IL1R1: variants seen among roughly 807,000 people sequenced by gnomAD.
IL1R1 encodes interleukin-1 receptor type 1.
IL1R1 carries 22 observed loss-of-function variants against 50.2 expected under a neutral mutation model. That is an observed-to-expected ratio of 0.44 (90% CI 0.31 to 0.63). IL1R1 has a LOEUF of 0.63. Among genes scored for constraint, IL1R1 ranks in the 20% least tolerant of loss-of-function variants. The probability of loss-of-function intolerance (pLI) is 0.07; values close to 1 mark genes in which losing one functional copy is unlikely to be tolerated. For synonymous variants in IL1R1, 251 were observed against 236.7 expected (o/e 1.06, Z -0.55); for missense variants, 509 against 676.2 (o/e 0.75, Z 2.74).
At chr2:102,175,420 T>G in intron 10 of IL1R1, 58 bp from the exon 11 acceptor site, 1 of 1,341,014 alleles carries the variant, frequency 7.5e-7, no homozygotes. Context: ...TGATACTGAC[T>G]TTATCAAATC....
chr2:102,147,443 T>C (rs1683248692), intron 1 of IL1R1, among the ~76,000 whole-genome samples: 2 of 152,090 alleles, frequency 1.3e-5, no homozygotes, highest in Admixed American at 1.3e-4. Context: ...ACAAGTCCAG[T>C]GCAATAGTGG....
upstream of IL1R1, among the ~76,000 whole-genome samples, chr2:102,100,632 T>C (rs539154384): frequency 1.2e-4 from 19 of 152,324 alleles, 1 homozygote; most frequent in South Asian, 3.1e-3. Context: ...ACCTGGCCTG[T>C]TTTTAGTCAT....
chr2:102,155,186 G>C (rs1292532726), intron 2 of IL1R1, among the ~76,000 whole-genome samples: 1 of 152,246 alleles, frequency 6.6e-6, no homozygotes, highest in South Asian at 2.1e-4. Flanking sequence ...ATCAGAGCAT[G>C]GGCCGGTTTC....
In IL1R1 at chr2:102,148,835, A is replaced by G. The variant is rs375756605; in HGVS notation, c.-83-5106A>G. On this transcript the variant is annotated intron_variant, in intron 1 of 11. Coordinates refer to ENST00000410023, the MANE Select transcript of IL1R1 (RefSeq NM_000877.4). Reference sequence around the variant, plus strand: ...TTTTAACAATGATGGGGACTTTTTAATAGCTGTATGAATCTTATAACAAAG... The same window carrying G: ...TTTTAACAATGATGGGGACTTTTTAGTAGCTGTATGAATCTTATAACAAAG... 1.2e-4 allele frequency among the ~76,000 whole-genome samples: 18 copies of G among 152,306 alleles called. No individual in the cohort carries two copies. The East Asian group carries it at 2.3e-3, about 20-fold the overall frequency.
intron 1 of IL1R1, among the ~76,000 whole-genome samples, chr2:102,116,987 A>G (rs1042913629): frequency 6.6e-6 from 1 of 152,242 alleles, no homozygotes; most frequent in Non-Finnish European, 1.5e-5. Flanking sequence ...AGAAGGAAAA[A>G]ATGACTTTTA....
chr2:102,131,686 G>A (rs1682040852), intron 1 of IL1R1, among the ~76,000 whole-genome samples: 1 of 151,330 alleles, frequency 6.6e-6, no homozygotes, highest in South Asian at 2.1e-4. Context: ...AACAAGTAAA[G>A]AACAGAGCAT....
At chr2:102,160,873 C>A (rs1466562026) in intron 3 of IL1R1, among the ~76,000 whole-genome samples, 2 of 152,198 alleles carry the variant, frequency 1.3e-5, no homozygotes, top group African/African-American at 4.8e-5. Flanking sequence ...ATGGCACACC[C>A]CTTCTGTCCG....
intron 1 of IL1R1, among the ~76,000 whole-genome samples, chr2:102,148,981 C>CAAAG (rs1553632095): frequency 0.04 from 5,946 of 147,546 alleles, 429 homozygotes; most frequent in East Asian, 0.077. Context: ...AACAAACAAA[C>CAAAG]GGGTAACAGG....
At chr2:102,157,099 C>T (rs1198118062) in intron 2 of IL1R1, among the ~76,000 whole-genome samples, 1 of 151,842 alleles carries the variant, frequency 6.6e-6, no homozygotes, top group Non-Finnish European at 1.5e-5. Flanking sequence ...ATACAAAGTT[C>T]GTTGTAGATA....
chr2:102,172,750 T>C lies in IL1R1; in HGVS notation c.903T>C (p.Ile301=), dbSNP rs773189773. The C allele has an allele frequency of 6.2e-7, 1 of 1,612,754 alleles. No individual in the cohort carries two copies. Among genetic ancestry groups the C allele is most frequent in the East Asian group, 2.2e-5 (1 of 44,854 alleles). The part of the protein sequence containing the change: ...TLITVLNISE[I]ESRFYKHPFT... ...TCACAGTGCTTAATATATCGGAAAT[T>C]GAAAGTAGATTTTATAAACATCCAT... The change falls in exon 9 of 12, where the codon ATT becomes ATC. Residue 301 remains isoleucine (I), a synonymous_variant. Transcript: ENST00000410023.
chr2:102,078,136 T>C (rs1336965956), intron 1 of IL1R1, among the ~76,000 whole-genome samples: 1 of 152,056 alleles, frequency 6.6e-6, no homozygotes, highest in African/African-American at 2.4e-5. Context: ...AAATGACTTA[T>C]CATTCCACTC....
upstream of IL1R1, among the ~76,000 whole-genome samples, chr2:102,102,025 A>G (rs1680165611): frequency 6.6e-6 from 1 of 152,200 alleles, no homozygotes; most frequent in Non-Finnish European, 1.5e-5. Context: ...GGTTAACTAA[A>G]CAGTGCAGAT....
intron 1 of IL1R1, 68 bp downstream of exon 1, chr2:102,143,088 A>G (rs1194606787): frequency 1.3e-5 from 2 of 152,344 alleles, no homozygotes; most frequent in African/African-American, 2.4e-5. Flanking sequence ...GACACCTTCG[A>G]GTCCCCCGCT....
At chr2:102,172,190 A>T (rs979686655) in intron 8 of IL1R1, 1 of 796,434 alleles carries the variant, frequency 1.3e-6, no homozygotes, top group Non-Finnish European at 1.5e-6. Flanking sequence ...CGAAGCAATT[A>T]TCTTTCATTA....
chr2:102,159,516 C>A (rs755968629), intron 3 of IL1R1, among the ~76,000 whole-genome samples: 7 of 152,234 alleles, frequency 4.6e-5, no homozygotes, highest in Admixed American at 6.5e-5. Flanking sequence ...CATGCCCACC[C>A]TTCTGGGTTC....
intron 1 of IL1R1, among the ~76,000 whole-genome samples, chr2:102,086,717 C>G (rs1184497334): frequency 6.6e-6 from 1 of 152,136 alleles, no homozygotes; most frequent in Non-Finnish European, 1.5e-5. Context: ...CGTTACTGTT[C>G]TTTCCAGCTG....
intron 11 of IL1R1, 165 bp downstream of exon 11, chr2:102,175,810 C>A (rs1686081037): frequency 4.4e-6 from 3 of 686,272 alleles, no homozygotes; most frequent in South Asian, 1.8e-5. Flanking sequence ...AATGCATTTA[C>A]TTCTCTCATA....
At chr2:102,093,524 A>G (rs1679770432) in intron 1 of IL1R1, among the ~76,000 whole-genome samples, 1 of 152,178 alleles carries the variant, frequency 6.6e-6, no homozygotes, top group Admixed American at 6.5e-5. Flanking sequence ...AACTTTCCAT[A>G]ATAGCCATCC....
At chr2:102,158,994 C>CAGATGTG in intron 3 of IL1R1, among the ~76,000 whole-genome samples, 1 of 152,188 alleles carries the variant, frequency 6.6e-6, no homozygotes, top group Middle Eastern at 3.4e-3. Flanking sequence ...GGAGTTGGGT[C>CAGATGTG]AGATGTGAGA....
Sources: allele counts gnomAD v4.1 joint callset (sites outside exome capture counted in the v4.1 genomes callset), GRCh38; gene constraint gnomAD v4.1.1; transcripts MANE v1.5; gene names NCBI Gene and HGNC (gene_info 2026-07-23, HGNC 2026-07-21).